Variants in KCNN2 observed in about 807,000 individuals in gnomAD.
KCNN2 encodes small conductance calcium-activated potassium channel protein 2.
Under a neutral mutation model 55.5 loss-of-function variants are expected in KCNN2, and 24 were observed. That is an observed-to-expected ratio of 0.43 (90% confidence interval 0.31 to 0.61). The LOEUF (loss-of-function observed/expected upper bound fraction) is 0.61, where lower values mean the gene tolerates loss of function less well. KCNN2 is among the 20% of genes least tolerant of loss of function. The pLI is 0.08. For synonymous variants in KCNN2, 431 were observed against 336.1 expected (o/e 1.28, Z -3.09); for missense variants, 754 against 853.6 (o/e 0.88, Z 1.45).
At chr5:114,400,171 G>A (rs1490245165) in intron 2 of KCNN2, among the ~76,000 whole-genome samples, 4 of 151,994 alleles carry the variant, frequency 2.6e-5, no homozygotes, top group Non-Finnish European at 5.9e-5. Context: ...GGGTTGGTTT[G>A]CTCTTGTTTC....
chr5:114,225,914 C>T lies in KCNN2; in HGVS notation c.-185+4349C>T, dbSNP rs369245604. Among the ~76,000 whole-genome samples, 409 of 152,182 alleles carry T rather than the reference C, an allele frequency of 2.7e-3. 1 individual carries two copies. The highest frequency in any genetic ancestry group is 9.1e-3 in the African/African-American group (378 of 41,526). ...TATTTAAGCTTGTCCTTTGGCAAAA[C>T]AAAATGAATTGAAGAGGGACATAGA... On this transcript the variant is annotated intron_variant, in intron 2 of 10. Transcript: ENST00000512097.
At chr5:114,458,770 A>G (rs1460977851) in intron 3 of KCNN2, among the ~76,000 whole-genome samples, 1 of 152,214 alleles carries the variant, frequency 6.6e-6, no homozygotes, top group African/African-American at 2.4e-5. Flanking sequence ...TTGGAGTATC[A>G]TGCTGACCAA....
chr5:114,427,662 C>A (rs199685845), intron 3 of KCNN2, among the ~76,000 whole-genome samples: 70 of 152,302 alleles, frequency 4.6e-4, no homozygotes, highest in Middle Eastern at 3.4e-3. Flanking sequence ...TTGCAGCTGT[C>A]AGTAAATGGG....
At chr5:114,407,738 A>G (rs1758982128) in intron 3 of KCNN2, among the ~76,000 whole-genome samples, 1 of 152,210 alleles carries the variant, frequency 6.6e-6, no homozygotes, top group African/African-American at 2.4e-5. Flanking sequence ...CAGAAGCCTG[A>G]GGTGACAGCG....
chr5:114,139,763 C>T (rs1752239560), intron 1 of KCNN2, among the ~76,000 whole-genome samples: 2 of 151,538 alleles, frequency 1.3e-5, no homozygotes. Flanking sequence ...ATCAACCAGA[C>T]ATTTTTTAGT....
intron 4 of KCNN2, among the ~76,000 whole-genome samples, chr5:114,465,386 G>A (rs1269071432): frequency 6.6e-6 from 1 of 152,156 alleles, no homozygotes; most frequent in Non-Finnish European, 1.5e-5. Context: ...GCCGAGGCAG[G>A]TGGATCACCT....
intron 1 of KCNN2, among the ~76,000 whole-genome samples, chr5:114,065,447 G>C (rs944264737): frequency 5.9e-5 from 9 of 152,292 alleles, no homozygotes; most frequent in African/African-American, 2.2e-4. Context: ...TGAGGTGAAT[G>C]ATTTTTTTGT....
chr5:114,288,517 C>CACACAT (rs1755808086), intron 2 of KCNN2, among the ~76,000 whole-genome samples: 1 of 151,716 alleles, frequency 6.6e-6, no homozygotes, highest in Admixed American at 6.6e-5. Flanking sequence ...CACACACACA[C>CACACAT]ACACACACAC....
intron 1 of KCNN2, among the ~76,000 whole-genome samples, chr5:114,069,915 A>G (rs953315962): frequency 6.6e-6 from 1 of 152,212 alleles, no homozygotes; most frequent in Non-Finnish European, 1.5e-5. Context: ...GTAAGAGGAC[A>G]TTTTATTACA....
chr5:114,462,039 CAG>C (rs1761226679), intron 3 of KCNN2, among the ~76,000 whole-genome samples: 2 of 152,126 alleles, frequency 1.3e-5, no homozygotes, highest in African/African-American at 4.8e-5. Context: ...TTCTAGTGAC[CAG>C]AGTCTGGGGC....
chr5:114,412,144 CT>C (rs1251941862), intron 3 of KCNN2, among the ~76,000 whole-genome samples: 4 of 152,266 alleles, frequency 2.6e-5, no homozygotes, highest in East Asian at 3.9e-4. Flanking sequence ...TGGGGTCCCA[CT>C]TTCTCTGTAT....
intron 2 of KCNN2, among the ~76,000 whole-genome samples, chr5:114,256,328 T>C (rs1754982688): frequency 6.6e-6 from 1 of 152,194 alleles, no homozygotes; most frequent in Non-Finnish European, 1.5e-5. Flanking sequence ...GGAAGAGTAC[T>C]ACAATCAACA....
At chr5:114,385,545 A>ACG (rs1375571485) in intron 2 of KCNN2, among the ~76,000 whole-genome samples, 1 of 151,540 alleles carries the variant, frequency 6.6e-6, no homozygotes, top group Non-Finnish European at 1.5e-5. Flanking sequence ...ACACACACAC[A>ACG]CACACACACA....
At chr5:114,391,678 C>T (rs1394871165) in intron 2 of KCNN2, among the ~76,000 whole-genome samples, 4 of 152,156 alleles carry the variant, frequency 2.6e-5, no homozygotes, top group Non-Finnish European at 4.4e-5. Flanking sequence ...CTGCTCTCTC[C>T]ATAAAGTGTT....
upstream of KCNN2, among the ~76,000 whole-genome samples, chr5:114,358,199 G>C (rs1261178150): frequency 6.6e-6 from 1 of 151,838 alleles, no homozygotes; most frequent in Non-Finnish European, 1.5e-5. Context: ...GAAAATTTTC[G>C]CAACCTACTC....
intron 2 of KCNN2, among the ~76,000 whole-genome samples, chr5:114,297,122 C>T (rs776845929): frequency 6.6e-6 from 1 of 151,986 alleles, no homozygotes; most frequent in Non-Finnish European, 1.5e-5. Flanking sequence ...ATTGAATATT[C>T]AGGTATTAAT....
In KCNN2 at chr5:114,190,523, T is replaced by C. The variant is rs182530274; in HGVS notation, c.-270-30957T>C. Among the ~76,000 whole-genome samples the C allele has an allele frequency of 4.6e-5, 7 of 152,268 alleles. No homozygotes were observed. In the East Asian group the frequency reaches 1.2e-3, roughly 25 times the overall value. ...ATTCATAAGCACAAAAACTAGTATA[T>C]TGTTTATGAATATGTACATTTTTAA... On this transcript the variant is annotated intron_variant, in intron 1 of 10. Coordinates refer to the KCNN2 transcript ENST00000512097.
At chr5:114,217,490 A>G (rs1754030717) in intron 1 of KCNN2, among the ~76,000 whole-genome samples, 1 of 152,170 alleles carries the variant, frequency 6.6e-6, no homozygotes, top group South Asian at 2.1e-4. Context: ...GAGGAAAGAC[A>G]ATAGAATGGA....
At chr5:114,470,617 T>C (rs1761684111) in intron 4 of KCNN2, among the ~76,000 whole-genome samples, 1 of 152,206 alleles carries the variant, frequency 6.6e-6, no homozygotes, top group Admixed American at 6.6e-5. Context: ...TTTCTTTCAT[T>C]AGTACCCAGA....
Sources: allele counts gnomAD v4.1 joint callset (sites outside exome capture counted in the v4.1 genomes callset), GRCh38; gene constraint gnomAD v4.1.1; transcripts MANE v1.5; gene names NCBI Gene and HGNC (gene_info 2026-07-23, HGNC 2026-07-21).